LRRC37A2: variants seen among roughly 807,000 people sequenced by gnomAD.
The protein encoded by LRRC37A2 is leucine-rich repeat-containing protein 37A2.
LRRC37A2 carries 9 observed loss-of-function variants against 68.8 expected under a neutral mutation model. The observed-to-expected ratio is 0.13, with a 90% CI of 0.08 to 0.23. LRRC37A2 has a LOEUF of 0.23. Among genes scored for constraint, LRRC37A2 ranks in the 10% least tolerant of loss-of-function variants. The pLI is 1.00. For missense variants in LRRC37A2, 168 were observed against 950.4 expected (o/e 0.18, Z 10.82); for synonymous variants, 63 against 367.6 (o/e 0.17, Z 9.48).
the LRRC37A2 span, among the ~76,000 whole-genome samples, chr17:46,858,751 C>T: frequency 3.9e-5 from 6 of 152,274 alleles, no homozygotes; most frequent in African/African-American, 9.6e-5. Flanking sequence ...ACTACAGCCT[C>T]GACCTTCTGG....
At chr17:47,006,361 CTG>C in the LRRC37A2 span, among the ~76,000 whole-genome samples, 8 of 152,106 alleles carry the variant, frequency 5.3e-5, no homozygotes, top group Non-Finnish European at 8.8e-5. Context: ...TGGCTCATGT[CTG>C]TAAATCCTAG....
chr17:46,779,101 A>ACACACACACACC, the LRRC37A2 span, among the ~76,000 whole-genome samples: 5 of 139,976 alleles, frequency 3.6e-5, no homozygotes, highest in South Asian at 2.3e-4. Context: ...ACACACACAC[A>ACACACACACACC]CACCCCAGCC....
intron 6 of LRRC37A2, among the ~76,000 whole-genome samples, chr17:46,528,100 CT>C (rs2053040132): frequency 8.9e-6 from 1 of 111,774 alleles, no homozygotes; most frequent in Non-Finnish European, 1.9e-5. Context: ...TCCCACGCTT[CT>C]GGAGCTCCTG....
chr17:46,743,049 C>T, the LRRC37A2 span, among the ~76,000 whole-genome samples: 1 of 152,280 alleles, frequency 6.6e-6, no homozygotes, highest in African/African-American at 2.4e-5. Flanking sequence ...GCCATGAGTC[C>T]TTCTGACTCT....
At chr17:46,923,186 C>A in the LRRC37A2 span, 1 of 1,540,328 alleles carries the variant, frequency 6.5e-7, no homozygotes, top group Non-Finnish European at 8.8e-7. Context: ...CCTGCGGGGC[C>A]GGCGACATGG....
At chr17:46,902,260 C>T in the LRRC37A2 span, among the ~76,000 whole-genome samples, 10 of 152,070 alleles carry the variant, frequency 6.6e-5, no homozygotes, top group African/African-American at 1.9e-4. Flanking sequence ...TTATTTTTCC[C>T]GTGCTTTAGA....
chr17:46,843,196 A>G, the LRRC37A2 span, among the ~76,000 whole-genome samples: 1 of 152,258 alleles, frequency 6.6e-6, no homozygotes, highest in Non-Finnish European at 1.5e-5. Flanking sequence ...ATATTTCAGA[A>G]TCAACAACAG....
At chr17:46,909,203 A>T in the LRRC37A2 span, among the ~76,000 whole-genome samples, 3 of 151,870 alleles carry the variant, frequency 2.0e-5, no homozygotes, top group African/African-American at 7.3e-5. Flanking sequence ...AATTTTTAAA[A>T]TTTTTTTTGT....
chr17:46,602,680 A>G, the LRRC37A2 span, among the ~76,000 whole-genome samples: 6 of 139,408 alleles, frequency 4.3e-5, 1 homozygote, highest in South Asian at 7.0e-4. Context: ...TTGACAAGCA[A>G]TGAAACTACC....
chr17:46,966,148 T>C, the LRRC37A2 span, among the ~76,000 whole-genome samples: 2 of 152,214 alleles, frequency 1.3e-5, no homozygotes, highest in African/African-American at 2.4e-5. Context: ...TATTTCGTGA[T>C]TGAGGGATCA....
At chr17:46,763,448 G>A in the LRRC37A2 span, 1 of 152,408 alleles carries the variant, frequency 6.6e-6, no homozygotes, top group Admixed American at 6.5e-5. Flanking sequence ...CAGCATGCAG[G>A]TGAGGGAGGA....
the LRRC37A2 span, among the ~76,000 whole-genome samples, chr17:46,742,556 G>A: frequency 6.6e-6 from 1 of 152,194 alleles, no homozygotes; most frequent in South Asian, 2.1e-4. Context: ...ACTGGAGGAG[G>A]GAAAGGGCAG....
chr17:46,583,530 T>C, the LRRC37A2 span, among the ~76,000 whole-genome samples: 1 of 77,354 alleles, frequency 1.3e-5, no homozygotes. Context: ...CTCCTGACCT[T>C]ATGATCCACC....
chr17:46,679,644 A>T, the LRRC37A2 span, among the ~76,000 whole-genome samples: 2 of 142,652 alleles, frequency 1.4e-5, no homozygotes, highest in African/African-American at 5.2e-5. Context: ...GTGAGCCAAG[A>T]TCGTGCCACT....
chr17:46,828,800 A>G, the LRRC37A2 span, among the ~76,000 whole-genome samples: 1 of 152,012 alleles, frequency 6.6e-6, no homozygotes, highest in African/African-American at 2.4e-5. Flanking sequence ...CTCTACAAAA[A>G]AAAAAAAAAG....
chr17:46,900,184 T>TATATAC, the LRRC37A2 span, among the ~76,000 whole-genome samples: 1 of 122,198 alleles, frequency 8.2e-6, no homozygotes, highest in African/African-American at 4.2e-5. Flanking sequence ...TATATATATA[T>TATATAC]ATATATATAT....
chr17:46,773,968 C>A, the LRRC37A2 span: 1 of 1,580,520 alleles, frequency 6.3e-7, no homozygotes, highest in Non-Finnish European at 8.6e-7. Flanking sequence ...CCATCCTGGG[C>A]ACCATGGCCG....
the LRRC37A2 span, chr17:46,726,694 A>T: frequency 8.1e-7 from 1 of 1,229,782 alleles, no homozygotes; most frequent in Non-Finnish European, 1.2e-6. Context: ...GAAAATTAAC[A>T]AGTATTTATA....
the LRRC37A2 span, among the ~76,000 whole-genome samples, chr17:46,868,659 G>A: frequency 6.6e-6 from 1 of 152,136 alleles, no homozygotes; most frequent in East Asian, 1.9e-4. Flanking sequence ...GGGTTCATAA[G>A]ACTAAGGAAG....
Sources: allele counts gnomAD v4.1 joint callset (sites outside exome capture counted in the v4.1 genomes callset), GRCh38; gene constraint gnomAD v4.1.1; transcripts MANE v1.5; gene names NCBI Gene and HGNC (gene_info 2026-07-23, HGNC 2026-07-21).